The following KCNQ1 variants were observed in gnomAD, a reference collection of about 807,000 sequenced individuals.
KCNQ1 encodes potassium voltage-gated channel subfamily KQT member 1.
KCNQ1 carries 49 observed loss-of-function variants against 72.4 expected under a neutral mutation model. The observed-to-expected ratio is 0.68, with a 90% CI of 0.54 to 0.86. KCNQ1 has a LOEUF of 0.86. Ranked by LOEUF, KCNQ1 falls within the 40% of genes least tolerant of loss-of-function variation. KCNQ1 has a pLI of 0.00. For synonymous variants in KCNQ1, 450 were observed against 412.6 expected, an observed-to-expected ratio of 1.09 and a Z score of -1.10; for missense variants, 790 against 945.1, an observed-to-expected ratio of 0.84 and a Z score of 2.15.
chr11:2,811,810 G>A (rs897480927), intron 15 of KCNQ1, among the ~76,000 whole-genome samples: 9 of 152,202 alleles, frequency 5.9e-5, no homozygotes, highest in South Asian at 2.1e-4. Flanking sequence ...AGGAGGGGCC[G>A]GCGAAAGCCA....
chr11:2,844,621 A>G (rs1025331383), intron 15 of KCNQ1, among the ~76,000 whole-genome samples: 1 of 152,160 alleles, frequency 6.6e-6, no homozygotes, highest in African/African-American at 2.4e-5. Context: ...GCTGTCACCA[A>G]AGTGGCTCAG....
chr11:2,807,853 C>T (rs1847411395), intron 15 of KCNQ1, among the ~76,000 whole-genome samples: 1 of 152,222 alleles, frequency 6.6e-6, no homozygotes, highest in African/African-American at 2.4e-5. Context: ...GCCCCCAATC[C>T]GGTCACCAAC....
chr11:2,750,936 C>T lies in KCNQ1; in HGVS notation c.1515-17908C>T, dbSNP rs1846216516. ...CCCCAGCTGCCTGCCTACACCCCAA[C>T]CTCGAGGCTCTTTACCTCTGTCTGT... is the stretch of plus-strand genomic sequence containing the variant. On this transcript the variant is annotated intron_variant, in intron 11 of 15. Transcript: ENST00000155840. The surrounding 1 kb of genome is among the most constrained non-coding windows in gnomAD (Gnocchi z 6.3). 6.6e-6 allele frequency among the ~76,000 whole-genome samples: 1 copy of T among 152,184 alleles called. No individual in the cohort carries two copies.
intron 7 of KCNQ1, among the ~76,000 whole-genome samples, chr11:2,583,783 G>A (rs1022454276): frequency 2.6e-5 from 4 of 152,242 alleles, no homozygotes; most frequent in Non-Finnish European, 5.9e-5. Flanking sequence ...GCCTGGAGTG[G>A]CTGTGCATGG....
rs1851043237 is a variant in KCNQ1, at chr11:2,713,706, C to G, written c.1514+51625C>G. Among the ~76,000 whole-genome samples the G allele has an allele frequency of 6.6e-6, 1 of 152,164 alleles. No homozygotes were observed. Among genetic ancestry groups the G allele is most frequent in the South Asian group, 2.1e-4 (1 of 4,826 alleles). ...GGCCGAGCTGGGTTGCAGGAGAAGC[C>G]AAGTGCCGGGTGAAGGCCTGGGGAG... is the stretch of plus-strand genomic sequence containing the variant. On this transcript the variant is annotated intron_variant, in intron 11 of 15. Transcript: ENST00000155840. The surrounding 1 kb of genome is among the most constrained non-coding windows in gnomAD (Gnocchi z 5.6).
rs1454502094 is a variant in KCNQ1 at position 2,826,426 on chromosome 11, G to A, written c.1795-21341G>A. The stretch of plus-strand genomic sequence containing the variant: ...GGCCCAGCAGCCGCCTCTTGGCAGC[G>A]CTGATGGAAACCGCCGTGCGGTTCC... On this transcript the variant is annotated intron_variant, in intron 15 of 15. Transcript: ENST00000155840. This position sits in a 1 kb window ranked among gnomAD's most constrained non-coding sequence, Gnocchi z 4.2. Among the ~76,000 whole-genome samples the A allele has an allele frequency of 2.6e-5, 4 of 152,240 alleles. No individual in the cohort carries two copies. The highest frequency in any genetic ancestry group is 9.6e-5 in the African/African-American group (4 of 41,470).
chr11:2,622,782 C>T (rs1361412530), intron 10 of KCNQ1: 2 of 398,416 alleles, frequency 5.0e-6, no homozygotes, highest in Non-Finnish European at 4.4e-6. Flanking sequence ...CAGAGATTTC[C>T]CGTATACCCA....
Position 2,619,157 on chromosome 11 carries a change from T to A in KCNQ1, c.1393+30303T>A, listed in dbSNP as rs375145914. The A allele has an allele frequency of 6.5e-5, 26 of 398,562 alleles. No homozygotes were observed. Among genetic ancestry groups the A allele is most frequent in the East Asian group, 6.4e-4 (18 of 28,060 alleles). 24.7% of individuals were successfully genotyped at this position (398,562 alleles called of 1,614,324 possible). ...ATTACTTCTTACTTCCTGATTTGAA[T>A]GTCTTTCATTTCTTTTTCTTGTCTG... On this transcript the variant is annotated intron_variant, in intron 10 of 15. Coordinates refer to ENST00000155840, the MANE Select transcript of KCNQ1 (RefSeq NM_000218.3).
intron 12 of KCNQ1, among the ~76,000 whole-genome samples, chr11:2,774,376 C>CT (rs1242457650): frequency 1.3e-4 from 20 of 152,322 alleles, no homozygotes; most frequent in African/African-American, 4.8e-4. Context: ...GCAGCAGGCC[C>CT]TTCCTTCCAT....
At chr11:2,582,874 T>C (rs1277958181) in intron 6 of KCNQ1, among the ~76,000 whole-genome samples, 2 of 152,124 alleles carry the variant, frequency 1.3e-5, no homozygotes, top group Non-Finnish European at 2.9e-5. Context: ...GGGAGCCTTC[T>C]ATTGTCCCAC....
intron 4 of KCNQ1, 101 bp from the exon 5 acceptor site, chr11:2,571,906 TGGGAGG>T: frequency 1.1e-6 from 1 of 900,518 alleles, no homozygotes; most frequent in Non-Finnish European, 1.8e-6. Context: ...AGTGGACGCC[TGGGAGG>T]GGCAGGGGCA....
chr11:2,533,615 TG>T (rs1224100025), intron 2 of KCNQ1, among the ~76,000 whole-genome samples: 2 of 152,250 alleles, frequency 1.3e-5, no homozygotes, highest in African/African-American at 4.8e-5. Flanking sequence ...CACATATGCC[TG>T]GTGTGTGTGT....
Position 2,764,513 on chromosome 11 carries a change from T to C in KCNQ1, c.1515-4331T>C, listed in dbSNP as rs1362675124. 6.6e-6 allele frequency among the ~76,000 whole-genome samples: 1 copy of C among 152,212 alleles called. No homozygotes were observed. The highest frequency in any genetic ancestry group is 1.5e-5 in the Non-Finnish European group (1 of 68,036). Reference sequence around the variant, plus strand: ...AACCTGTGATTTTTTTTTTCTTTCTTGAAATATCCTTGTCAGATTTTGATA... The same window carrying C: ...AACCTGTGATTTTTTTTTTCTTTCTCGAAATATCCTTGTCAGATTTTGATA... On this transcript the variant is annotated intron_variant, in intron 11 of 15. Transcript: ENST00000155840. The surrounding 1 kb of genome is among the most constrained non-coding windows in gnomAD (Gnocchi z 4.8).
chr11:2,811,457 G>A (rs777146662), intron 15 of KCNQ1, among the ~76,000 whole-genome samples: 5 of 152,262 alleles, frequency 3.3e-5, no homozygotes, highest in Non-Finnish European at 7.3e-5. Flanking sequence ...GCATGAGGCT[G>A]TGCCTGTGTC....
chr11:2,677,777 TC>T lies in KCNQ1; in HGVS notation c.1514+15702del. On this transcript the variant is annotated intron_variant, in intron 11 of 15. Coordinates refer to ENST00000155840, the MANE Select transcript of KCNQ1 (RefSeq NM_000218.3). This position sits in a 1 kb window ranked among gnomAD's most constrained non-coding sequence, Gnocchi z 4.5. ...GATTTACTTTAAGAGATCCTCCCTT[TC>T]CCCCCATTTCCAGCAGGATTAAAAT... is the stretch of plus-strand genomic sequence containing the variant. 2.5e-6 allele frequency: 1 copy of T among 398,474 alleles called. No individual in the cohort carries two copies. The highest frequency in any genetic ancestry group is 2.1e-5 in the African/African-American group (1 of 48,716). The allele number at this position is 398,474 out of a possible 1,614,324, so 24.7% of individuals were successfully genotyped here. A position where few individuals can be genotyped will look rare whatever the true frequency, so the allele number is the denominator to read the frequency against.
chr11:2,563,572 C>T lies in KCNQ1; in HGVS notation c.478-7056C>T, dbSNP rs565610115. On this transcript the variant is annotated intron_variant, in intron 2 of 15. Coordinates refer to ENST00000155840, the MANE Select transcript of KCNQ1 (RefSeq NM_000218.3). The surrounding 1 kb of genome is among the most constrained non-coding windows in gnomAD (Gnocchi z 7.4). ...TCCCCTGGGTTGAGGTTGAGGGTCC[C>T]AGGGTCTGTCTGCCTAATGACAAGA... Among the ~76,000 whole-genome samples, 1 of 152,326 alleles carries T rather than the reference C, an allele frequency of 6.6e-6. No individual in the cohort carries two copies. The highest frequency in any genetic ancestry group is 2.1e-4 in the South Asian group (1 of 4,826).
intron 1 of KCNQ1, among the ~76,000 whole-genome samples, chr11:2,496,509 T>TTTTTTTTTTTTTTTTTTTC (rs1846922453): frequency 1.7e-5 from 2 of 120,990 alleles, no homozygotes; most frequent in Non-Finnish European, 1.8e-5. Context: ...TTTTTTTTTT[T>TTTTTTTTTTTTTTTTTTTC]TTTTTTTTTT....
At chr11:2,823,113 A>T (rs1243766636) in intron 15 of KCNQ1, among the ~76,000 whole-genome samples, 4 of 152,158 alleles carry the variant, frequency 2.6e-5, no homozygotes, top group Non-Finnish European at 5.9e-5. Flanking sequence ...GCCCACTGAG[A>T]ACCTCTAGCA....
rs1378808472 is a variant in KCNQ1, at chr11:2,550,552, A to G, written c.478-20076A>G. On this transcript the variant is annotated intron_variant, in intron 2 of 15. Coordinates refer to ENST00000155840, the MANE Select transcript of KCNQ1 (RefSeq NM_000218.3). The surrounding 1 kb of genome is among the most constrained non-coding windows in gnomAD (Gnocchi z 6.0). ...CCTGACATGCATCCTCGCCTAGGCC[A>G]GAGTGCCAGGCAGGGTAGGGGAACA... 1.3e-5 allele frequency among the ~76,000 whole-genome samples: 2 copies of G among 152,204 alleles called. No homozygotes were observed. The highest frequency in any genetic ancestry group is 4.8e-5 in the African/African-American group (2 of 41,462).
Sources: gnomAD v4.1 joint callset for allele counts (sites outside exome capture counted in the v4.1 genomes callset) on GRCh38, gnomAD v4.1.1 for gene constraint, Gnocchi (gnomAD v3.1) non-coding constraint, MANE v1.5 for transcripts, NCBI Gene and HGNC (gene_info 2026-07-23, HGNC 2026-07-21) for gene names.